Variants in ZFAND3 observed in about 807,000 individuals in gnomAD.
The protein encoded by ZFAND3 is zinc finger AN1-type containing 3, also known as AN1-type zinc finger protein 3.
ZFAND3 carries 10 observed loss-of-function variants against 29.6 expected under a neutral mutation model. The ratio of observed to expected loss-of-function variants is 0.34; its 90% CI spans 0.21 to 0.57. The LOEUF is 0.57. ZFAND3 is among the 20% of genes least tolerant of loss of function. The pLI, the probability that ZFAND3 is intolerant of heterozygous loss-of-function variation, is 0.86. For synonymous variants in ZFAND3, 128 were observed against 112.6 expected (o/e 1.14, Z -0.87); for missense variants, 230 against 304.5 (o/e 0.76, Z 1.82).
chr6:37,989,955 A>G (rs1017369107), intron 2 of ZFAND3, among the ~76,000 whole-genome samples: 12 of 152,194 alleles, frequency 7.9e-5, no homozygotes, highest in Admixed American at 6.5e-4. Flanking sequence ...GAAGAGTTTC[A>G]AGAAAAGATA....
chr6:38,145,699 C>T (rs1448819834), intron 5 of ZFAND3, among the ~76,000 whole-genome samples: 1 of 152,158 alleles, frequency 6.6e-6, no homozygotes, highest in East Asian at 1.9e-4. Context: ...CAATTTTCTG[C>T]CGGGAATGTG....
chr6:38,064,273 G>A (rs886811915), intron 3 of ZFAND3, among the ~76,000 whole-genome samples: 6 of 152,166 alleles, frequency 3.9e-5, no homozygotes, highest in African/African-American at 1.4e-4. Context: ...TGCATGTGAG[G>A]CTGAGATAAC....
intron 1 of ZFAND3, among the ~76,000 whole-genome samples, chr6:37,899,892 C>A: frequency 6.6e-6 from 1 of 152,174 alleles, no homozygotes; most frequent in East Asian, 1.9e-4. Flanking sequence ...TTGTACTGTG[C>A]TTAACCATTA....
chr6:37,955,388 T>G (rs769489612), intron 2 of ZFAND3, among the ~76,000 whole-genome samples: 6 of 152,152 alleles, frequency 3.9e-5, no homozygotes, highest in Non-Finnish European at 8.8e-5. Context: ...GAACCAAAGT[T>G]TGGTTGCTTT....
At chr6:38,111,817 T>C (rs1397861900) in intron 4 of ZFAND3, among the ~76,000 whole-genome samples, 2 of 152,172 alleles carry the variant, frequency 1.3e-5, no homozygotes, top group Non-Finnish European at 2.9e-5. Flanking sequence ...TTTTCAGCTG[T>C]AACAGGGGTC....
intron 2 of ZFAND3, among the ~76,000 whole-genome samples, chr6:37,967,292 A>G (rs980673938): frequency 1.3e-5 from 2 of 152,268 alleles, no homozygotes; most frequent in Non-Finnish European, 2.9e-5. Flanking sequence ...TGATGCTCAA[A>G]TTGTCCTAGA....
chr6:37,874,629 C>A (rs1764759711), intron 1 of ZFAND3, among the ~76,000 whole-genome samples: 1 of 151,998 alleles, frequency 6.6e-6, no homozygotes. Flanking sequence ...GACCCCATGT[C>A]CAAATAAGGT....
chr6:38,014,317 T>TATTATC (rs1214182203), intron 2 of ZFAND3, among the ~76,000 whole-genome samples: 27 of 150,302 alleles, frequency 1.8e-4, no homozygotes, highest in Non-Finnish European at 3.6e-4. Context: ...TTTACTTTAT[T>TATTATC]ATTATTATTA....
chr6:38,007,930 G>A (rs1005250520), intron 2 of ZFAND3, among the ~76,000 whole-genome samples: 2 of 152,142 alleles, frequency 1.3e-5, no homozygotes, highest in East Asian at 3.8e-4. Flanking sequence ...ATGATTTAGG[G>A]CCTTGTTACC....
intron 1 of ZFAND3, among the ~76,000 whole-genome samples, chr6:37,892,073 T>C (rs1244468013): frequency 6.6e-6 from 1 of 152,170 alleles, no homozygotes; most frequent in Non-Finnish European, 1.5e-5. Flanking sequence ...GTCTCCAGTA[T>C]AGACAACGTA....
At chr6:37,971,832 A>G (rs1206070111) in intron 2 of ZFAND3, among the ~76,000 whole-genome samples, 1 of 12,524 alleles carries the variant, frequency 8.0e-5, no homozygotes. Context: ...GTACAAAATG[A>G]AAAAAAAAAA....
At chr6:37,950,966 C>T (rs1248511811) in intron 2 of ZFAND3, among the ~76,000 whole-genome samples, 1 of 152,160 alleles carries the variant, frequency 6.6e-6, no homozygotes, top group Non-Finnish European at 1.5e-5. Flanking sequence ...GGCCGTATGG[C>T]CATTTTAACA....
rs1562015987 is a variant in ZFAND3, at chr6:38,144,204, TATATATAATATATAATATATATATATA to T, written c.530-8030_530-8004del. 4.3e-3 allele frequency among the ~76,000 whole-genome samples: 200 copies of T among 47,032 alleles called. 14 individuals are homozygous for T. Among genetic ancestry groups the T allele is most frequent in the African/African-American group, 0.024 (189 of 7,850 alleles). 30.9% of individuals were successfully genotyped at this position (47,032 alleles called of 152,430 possible). On this transcript the variant is annotated intron_variant, in intron 5 of 5. Coordinates refer to ENST00000287218, the MANE Select transcript of ZFAND3 (RefSeq NM_021943.3). ...TATATAATATATATATATATATATA[TATATATAATATATAATATATATATATA>T]TTTTTTTTTTAATAAGGTTGCTTGA...
intron 1 of ZFAND3, among the ~76,000 whole-genome samples, chr6:37,842,519 G>T (rs1764097334): frequency 6.6e-6 from 1 of 151,948 alleles, no homozygotes; most frequent in African/African-American, 2.4e-5. Flanking sequence ...ACTTTATATA[G>T]TATTATTTCA....
intron 1 of ZFAND3, among the ~76,000 whole-genome samples, chr6:37,879,299 T>C (rs1461043017): frequency 6.6e-6 from 1 of 152,204 alleles, no homozygotes; most frequent in Non-Finnish European, 1.5e-5. Context: ...CTGCTTTACC[T>C]CTAATTCCAA....
At chr6:38,043,298 A>C (rs1433099680) in intron 2 of ZFAND3, among the ~76,000 whole-genome samples, 1 of 149,728 alleles carries the variant, frequency 6.7e-6, no homozygotes, top group Non-Finnish European at 1.5e-5. Flanking sequence ...CTGTTTATTT[A>C]AAATGTTGCT....
chr6:38,107,856 G>A (rs1765238913), intron 4 of ZFAND3, among the ~76,000 whole-genome samples: 1 of 151,736 alleles, frequency 6.6e-6, no homozygotes, highest in African/African-American at 2.4e-5. Flanking sequence ...ACCATTGATT[G>A]CTTGATTGAT....
chr6:37,897,266 T>C (rs558187657), intron 1 of ZFAND3, among the ~76,000 whole-genome samples: 10 of 152,334 alleles, frequency 6.6e-5, no homozygotes, highest in African/African-American at 1.9e-4. Flanking sequence ...TTTATCTGTT[T>C]TAAACATCAT....
At chr6:38,008,613 A>AGAG (rs539145626) in intron 2 of ZFAND3, among the ~76,000 whole-genome samples, 1 of 151,798 alleles carries the variant, frequency 6.6e-6, no homozygotes, top group South Asian at 2.1e-4. Flanking sequence ...TCTCTCTCTC[A>AGAG]CCTCTTCTCT....
Sources: gnomAD v4.1 joint callset for allele counts (sites outside exome capture counted in the v4.1 genomes callset) on GRCh38, gnomAD v4.1.1 for gene constraint, MANE v1.5 for transcripts, NCBI Gene and HGNC (gene_info 2026-07-23, HGNC 2026-07-21) for gene names.